KCNQ5: variants seen among roughly 807,000 people sequenced by gnomAD.
KCNQ5 encodes the protein potassium voltage-gated channel subfamily Q member 5.
In KCNQ5, 30 loss-of-function variants were observed where a neutral mutation model predicts 98.2. The ratio of observed to expected loss-of-function variants is 0.31; its 90% CI spans 0.23 to 0.41. KCNQ5 has a LOEUF of 0.41. Ranked by LOEUF, KCNQ5 falls within the 10% of genes least tolerant of loss-of-function variation. KCNQ5 has a pLI of 1.00. For synonymous variants in KCNQ5, 458 were observed against 449.4 expected (o/e 1.02, Z -0.24); for missense variants, 835 against 1,182.5 (o/e 0.71, Z 4.31).
chr6:72,716,653 A>G (rs1769660187), intron 1 of KCNQ5, among the ~76,000 whole-genome samples: 1 of 152,182 alleles, frequency 6.6e-6, no homozygotes, highest in African/African-American at 2.4e-5. Flanking sequence ...GGCCATATAT[A>G]GTAGGTGTTT....
At chr6:72,644,157 G>A (rs529088074) in intron 1 of KCNQ5, among the ~76,000 whole-genome samples, 5 of 152,248 alleles carry the variant, frequency 3.3e-5, no homozygotes, top group East Asian at 1.9e-4. Flanking sequence ...AGCAAATACC[G>A]ACTCATTGCT....
At chr6:72,842,736 G>A (rs1054280966) in intron 1 of KCNQ5, among the ~76,000 whole-genome samples, 1 of 152,146 alleles carries the variant, frequency 6.6e-6, no homozygotes, top group Non-Finnish European at 1.5e-5. Context: ...CTAATGACTA[G>A]TGATGCTGAC....
intron 1 of KCNQ5, among the ~76,000 whole-genome samples, chr6:72,683,757 T>TAA (rs139944317): frequency 6.3e-4 from 91 of 144,632 alleles, no homozygotes; most frequent in Middle Eastern, 3.6e-3. Flanking sequence ...TTTGGTGTGG[T>TAA]AAAAAAAAAA....
rs746019400 is a variant in KCNQ5 at position 73,153,768 on chromosome 6, T to G, written c.1469-15978T>G. On this transcript the variant is annotated intron_variant, in intron 10 of 13. Transcript: ENST00000370398. Reference sequence around the variant, plus strand: ...TCATTTCTGTTTTGAGTACTAAGATTATTTATTCTAGGTCCCAAATTTTTA... The same window carrying G: ...TCATTTCTGTTTTGAGTACTAAGATGATTTATTCTAGGTCCCAAATTTTTA... Among the ~76,000 whole-genome samples the G allele has an allele frequency of 4.6e-5, 7 of 152,102 alleles. No individual in the cohort carries two copies. In the South Asian group the frequency reaches 1.4e-3, roughly 31 times the overall value.
At chr6:72,661,270 G>A (rs1486376744) in intron 1 of KCNQ5, among the ~76,000 whole-genome samples, 1 of 151,970 alleles carries the variant, frequency 6.6e-6, no homozygotes, top group Non-Finnish European at 1.5e-5. Flanking sequence ...ACCAAATGGA[G>A]TACAACATAA....
intron 5 of KCNQ5, among the ~76,000 whole-genome samples, chr6:73,101,939 C>A (rs558107378): frequency 1.3e-5 from 2 of 152,102 alleles, no homozygotes; most frequent in African/African-American, 2.4e-5. Context: ...CCAGAAGAGC[C>A]AAAGCTATCC....
rs115345602 is a variant in KCNQ5, at chr6:73,010,242, A to C, written c.489+6244A>C. 6.8e-3 allele frequency among the ~76,000 whole-genome samples: 1,035 copies of C among 152,276 alleles called. 11 individuals carry two copies. The highest frequency in any genetic ancestry group is 0.024 in the African/African-American group (977 of 41,572). ...GTTATAGGCCACATTAACAGAATGA[A>C]GGGAAGATGCCACATAATTATCTCA... On this transcript the variant is annotated intron_variant, in intron 2 of 13. Coordinates refer to ENST00000370398, the MANE Select transcript of KCNQ5 (RefSeq NM_019842.4).
At chr6:73,146,959 T>A (rs1014588682) in intron 10 of KCNQ5, among the ~76,000 whole-genome samples, 1 of 152,220 alleles carries the variant, frequency 6.6e-6, no homozygotes, top group African/African-American at 2.4e-5. Flanking sequence ...TTTATGTCTT[T>A]GTTTTCTATT....
chr6:73,187,053 C>A (rs1336510037), intron 11 of KCNQ5, among the ~76,000 whole-genome samples: 1 of 150,902 alleles, frequency 6.6e-6, no homozygotes, highest in Non-Finnish European at 1.5e-5. Flanking sequence ...TTAATAACCA[C>A]CAAAATTCTT....
In KCNQ5 at chr6:72,699,514, G is replaced by C. The variant is rs150635328; in HGVS notation, c.398+76927G>C. Among the ~76,000 whole-genome samples the C allele has an allele frequency of 8.0e-4, 121 of 152,190 alleles. 4 individuals carry two copies. In the East Asian group the frequency reaches 0.019, roughly 24 times the overall value. ...TTAAGTCTAATGTTTTTTCTTACCAGGAGAGTTACATTATCCTACTTGGCT... is the reference window on the plus strand; with the variant it reads ...TTAAGTCTAATGTTTTTTCTTACCACGAGAGTTACATTATCCTACTTGGCT... On this transcript the variant is annotated intron_variant, in intron 1 of 13. Coordinates refer to ENST00000370398, the MANE Select transcript of KCNQ5 (RefSeq NM_019842.4).
At chr6:73,035,985 TTGTGTGTGTGTGTGTGTG>T (rs70994155) in intron 2 of KCNQ5, among the ~76,000 whole-genome samples, 45 of 140,534 alleles carry the variant, frequency 3.2e-4, no homozygotes, top group Non-Finnish European at 5.4e-4. Flanking sequence ...TTGAATACAT[TTGTGTGTGTGTGTGTGTG>T]TGTGTGTGTG....
chr6:73,161,456 C>A (rs1777611550), intron 10 of KCNQ5, among the ~76,000 whole-genome samples: 1 of 152,016 alleles, frequency 6.6e-6, no homozygotes, highest in Non-Finnish European at 1.5e-5. Context: ...GCTCAAATAG[C>A]TAGAAAAGAA....
At chr6:73,092,527 A>T (rs1156630544) in intron 5 of KCNQ5, among the ~76,000 whole-genome samples, 1 of 151,774 alleles carries the variant, frequency 6.6e-6, no homozygotes, top group Non-Finnish European at 1.5e-5. Context: ...GTCATAGGTG[A>T]CTTTTATTAC....
chr6:73,131,436 T>C (rs76838693), intron 9 of KCNQ5, among the ~76,000 whole-genome samples: 1,819 of 152,268 alleles, frequency 0.012, 15 homozygotes, highest in Non-Finnish European at 0.016. Context: ...AAATCAAATA[T>C]AGTGAGGACC....
intron 1 of KCNQ5, among the ~76,000 whole-genome samples, chr6:72,913,904 A>G (rs1780036497): frequency 6.6e-6 from 1 of 152,186 alleles, no homozygotes; most frequent in Non-Finnish European, 1.5e-5. Context: ...GACAAAAGGG[A>G]ATGACCTAAT....
At chr6:73,120,423 T>C (rs944048965) in intron 7 of KCNQ5, 60 bp from the exon 8 acceptor site, 14 of 1,232,454 alleles carry the variant, frequency 1.1e-5, no homozygotes, top group African/African-American at 6.0e-5. Flanking sequence ...TCTCTTTTTA[T>C]TTTATTCTAA....
chr6:73,093,700 T>C (rs893518786), intron 5 of KCNQ5, among the ~76,000 whole-genome samples: 1 of 152,206 alleles, frequency 6.6e-6, no homozygotes, highest in African/African-American at 2.4e-5. Flanking sequence ...TTAATTTCCA[T>C]ATATTTGCAT....
At chr6:72,877,397 C>A (rs757791800) in intron 1 of KCNQ5, among the ~76,000 whole-genome samples, 1 of 152,176 alleles carries the variant, frequency 6.6e-6, no homozygotes, top group Non-Finnish European at 1.5e-5. Context: ...CAAGATCTCA[C>A]TCTATTTTAT....
chr6:72,883,414 C>T (rs1250793827), intron 1 of KCNQ5, among the ~76,000 whole-genome samples: 2 of 151,874 alleles, frequency 1.3e-5, no homozygotes. Flanking sequence ...TTCTGCTGAG[C>T]TCATGCTCTA....
Sources: allele counts gnomAD v4.1 joint callset (sites outside exome capture counted in the v4.1 genomes callset), GRCh38; gene constraint gnomAD v4.1.1; transcripts MANE v1.5; gene names NCBI Gene and HGNC (gene_info 2026-07-23, HGNC 2026-07-21).